YIPF7: variants seen among roughly 807,000 people sequenced by gnomAD.
YIPF7 encodes Yip1 domain family member 7.
YIPF7 carries 35 observed loss-of-function variants against 27.2 expected under a neutral mutation model. That is an observed-to-expected ratio of 1.29 (90% CI 0.98 to 1.70). The LOEUF is 1.70. Ranked by LOEUF, YIPF7 falls within the 40% of genes most tolerant of loss-of-function variation. The probability of loss-of-function intolerance (pLI) is 0.00; values close to 1 mark genes in which losing one functional copy is unlikely to be tolerated. For missense variants in YIPF7, 358 were observed against 303.7 expected (o/e 1.18, Z -1.33); for synonymous variants, 137 against 110.4 (o/e 1.24, Z -1.51).
chr4:44,643,515 A>T (rs992300533), intron 2 of YIPF7, among the ~76,000 whole-genome samples: 2 of 152,214 alleles, frequency 1.3e-5, no homozygotes, highest in Non-Finnish European at 2.9e-5. Flanking sequence ...GAATTCAAGC[A>T]GGCTACAAAC....
upstream of YIPF7, among the ~76,000 whole-genome samples, chr4:44,655,442 G>T (rs1346358680): frequency 6.6e-6 from 1 of 151,864 alleles, no homozygotes; most frequent in Non-Finnish European, 1.5e-5. Flanking sequence ...TATTATGTAT[G>T]GCTGCCCAGA....
chr4:44,636,579 C>G (rs1249100816), intron 2 of YIPF7, among the ~76,000 whole-genome samples: 2 of 151,858 alleles, frequency 1.3e-5, no homozygotes, highest in Non-Finnish European at 2.9e-5. Flanking sequence ...GTGGAAGCAG[C>G]CAGGAAAAAA....
At chr4:44,630,482 T>C (rs1712846709) in intron 3 of YIPF7, among the ~76,000 whole-genome samples, 1 of 152,228 alleles carries the variant, frequency 6.6e-6, no homozygotes, top group Non-Finnish European at 1.5e-5. Context: ...AAAGTGATCA[T>C]GATGTGCATG....
chr4:44,624,143 G>A (rs1712538242), intron 5 of YIPF7, among the ~76,000 whole-genome samples: 1 of 149,442 alleles, frequency 6.7e-6, no homozygotes, highest in East Asian at 2.0e-4. Flanking sequence ...TCGGCTCACT[G>A]CAACCTCCGC....
Position 44,622,380 on chromosome 4 carries a change from A to C in YIPF7, c.*34T>G, listed in dbSNP as rs781585187. 2 of 1,594,560 alleles carry C rather than the reference A, an allele frequency of 1.3e-6. No homozygotes were observed. Among genetic ancestry groups the C allele is most frequent in the South Asian group, 2.3e-5 (2 of 87,296 alleles). On this transcript the variant is annotated 3_prime_UTR_variant, in exon 6 of 6. Coordinates refer to ENST00000415895, the MANE Select transcript of YIPF7 (RefSeq NM_182592.3). ...ATATTTCCAAAATAATCTGGACAGC[A>C]AACAGAGTCTTGAAATGCCATCTCA...
intron 4 of YIPF7, among the ~76,000 whole-genome samples, chr4:44,625,822 A>G (rs780162518): frequency 2.0e-5 from 3 of 152,238 alleles, no homozygotes; most frequent in Admixed American, 6.5e-5. Context: ...TACCAAAGCT[A>G]CAGTTAAAAA....
chr4:44,644,663 C>T (rs1352185120), intron 2 of YIPF7, among the ~76,000 whole-genome samples: 1 of 152,114 alleles, frequency 6.6e-6, no homozygotes, highest in Non-Finnish European at 1.5e-5. Context: ...TGAGTTAATG[C>T]TGGAGTGAGT....
Position 44,651,580 on chromosome 4 carries a change from C to T in YIPF7, c.-28G>A, listed in dbSNP as rs1713740640. The T allele has an allele frequency of 6.9e-6, 11 of 1,586,180 alleles. No homozygotes were observed. The highest frequency in any genetic ancestry group is 1.2e-5 in the South Asian group (1 of 86,814). On this transcript the variant is annotated 5_prime_UTR_variant, in exon 1 of 6. Transcript: ENST00000415895. ...TCTGTTTATTTTTTATAGAAAGATC[C>T]TCCAGTAAATGTAGCTTTGTGTGAG...
rs151148005 is a variant in YIPF7, at chr4:44,627,029, G to C, written c.427-2247C>G. ...GATCTCCTGAGCTCGTGATCCGCCC[G>C]CCTCGGCCTCCCAAAGTGCTGGGAT... On this transcript the variant is annotated intron_variant, in intron 4 of 5. Coordinates refer to ENST00000415895, the MANE Select transcript of YIPF7 (RefSeq NM_182592.3). Among the ~76,000 whole-genome samples, 6 of 151,372 alleles carry C rather than the reference G, an allele frequency of 4.0e-5. No individual in the cohort carries two copies. The South Asian group carries it at 1.3e-3, about 32-fold the overall frequency.
intron 4 of YIPF7, among the ~76,000 whole-genome samples, chr4:44,625,683 A>C (rs1232298742): frequency 6.6e-6 from 1 of 152,142 alleles, no homozygotes; most frequent in Non-Finnish European, 1.5e-5. Flanking sequence ...ATTGCTCATA[A>C]AGCTAGTGTT....
chr4:44,626,015 T>C (rs139674111), intron 4 of YIPF7, among the ~76,000 whole-genome samples: 14 of 152,316 alleles, frequency 9.2e-5, no homozygotes, highest in Non-Finnish European at 1.5e-4. Context: ...CTATGAAGTA[T>C]TTTAGAGATA....
At chr4:44,654,099 C>A (rs773191539), upstream of YIPF7, among the ~76,000 whole-genome samples, 1 of 151,966 alleles carries the variant, frequency 6.6e-6, no homozygotes, top group East Asian at 1.9e-4. Context: ...ACTTCAGCCT[C>A]TTTAGAAGTG....
intron 3 of YIPF7, among the ~76,000 whole-genome samples, chr4:44,633,623 G>C (rs188689010): frequency 2.0e-5 from 3 of 151,916 alleles, no homozygotes; most frequent in Non-Finnish European, 4.4e-5. Context: ...GGAAAGAAAT[G>C]TTACTAGAAA....
In YIPF7 at chr4:44,651,554, C is replaced by T. The variant is rs775117208; in HGVS notation, c.-2G>A. On this transcript the variant is annotated splice_region_variant and 5_prime_UTR_variant, in exon 1 of 6. Transcript: ENST00000415895. The stretch of plus-strand genomic sequence containing the variant: ...TCTTTTAGAAGGATCAGACACATAC[C>T]TCTGTTTATTTTTTATAGAAAGATC... The T allele has an allele frequency of 5.0e-5, 79 of 1,572,516 alleles. No individual in the cohort carries two copies. The highest frequency in any genetic ancestry group is 7.4e-5 in the Admixed American group (4 of 54,288).
At chr4:44,660,294 T>C (rs1182303571) in intron 2 of YIPF7, among the ~76,000 whole-genome samples, 1 of 152,040 alleles carries the variant, frequency 6.6e-6, no homozygotes, top group Non-Finnish European at 1.5e-5. Context: ...TTCCTTCACC[T>C]TGAATATAGG....
chr4:44,636,805 T>G lies in YIPF7; in HGVS notation c.117-720A>C, dbSNP rs1270586472. 2.0e-5 allele frequency among the ~76,000 whole-genome samples: 3 copies of G among 152,252 alleles called. No homozygotes were observed. The East Asian group carries it at 5.8e-4, about 29-fold the overall frequency. Reference sequence around the variant, plus strand: ...GGGGTACGTATAAAATTTTGTTACATGCATAGATTGTGTAGTGGTCAAATT... The same window carrying G: ...GGGGTACGTATAAAATTTTGTTACAGGCATAGATTGTGTAGTGGTCAAATT... On this transcript the variant is annotated intron_variant, in intron 2 of 5. Transcript: ENST00000415895.
At chr4:44,631,907 C>T (rs1474120262) in intron 3 of YIPF7, among the ~76,000 whole-genome samples, 1 of 152,006 alleles carries the variant, frequency 6.6e-6, no homozygotes, top group Non-Finnish European at 1.5e-5. Context: ...TCAGTATTTA[C>T]CACAATAAAA....
At position 44,622,572 on chromosome 4, in the gene YIPF7, T is replaced by A. The variant is rs775238612; in HGVS notation, c.613A>T (p.Ile205Phe). The A allele has an allele frequency of 2.5e-6, 4 of 1,613,074 alleles. No individual in the cohort carries two copies. The highest frequency in any genetic ancestry group is 3.4e-6 in the Non-Finnish European group (4 of 1,179,592). Reference protein sequence around the residue: ...GCAMFFSLQGIFGIMSSLVII... With the variant: ...GCAMFFSLQGFFGIMSSLVII... The stretch of plus-strand genomic sequence containing the variant: ...ACCAGGGATGACATGATTCCAAAGA[T>A]GCCCCTGCAGCAAAGACAAAGAAAT... The change falls in exon 6 of 6, where the codon ATC (isoleucine) becomes TTC (phenylalanine). Residue 205 changes from isoleucine to phenylalanine, a missense_variant. Physicochemically the swap from Ile to Phe is conservative, Grantham distance 21. Coordinates refer to ENST00000415895, the MANE Select transcript of YIPF7 (RefSeq NM_182592.3).
Position 44,622,107 on chromosome 4 carries a change from T to C in YIPF7, c.*307A>G, listed in dbSNP as rs1004581814. On this transcript the variant is annotated 3_prime_UTR_variant, in exon 6 of 6. Transcript: ENST00000415895. ...TAGAGATTTCCTTTTAGTAAACATA[T>C]GAGTTTATTTACTTACTTTTCTCAG... 1.6e-4 allele frequency: 43 copies of C among 265,208 alleles called. No homozygotes were observed. Among genetic ancestry groups the C allele is most frequent in the Non-Finnish European group, 2.6e-4 (36 of 139,406 alleles). 16.4% of individuals were successfully genotyped at this position (265,208 alleles called of 1,614,324 possible).
Sources: allele counts gnomAD v4.1 joint callset (sites outside exome capture counted in the v4.1 genomes callset), GRCh38; gene constraint gnomAD v4.1.1; transcripts MANE v1.5; gene names NCBI Gene and HGNC (gene_info 2026-07-23, HGNC 2026-07-21).